The following SERGEF variants were observed in gnomAD, a reference collection of about 807,000 sequenced individuals.
SERGEF encodes the protein secretion regulating guanine nucleotide exchange factor.
In SERGEF, 51 loss-of-function variants were observed where a neutral mutation model predicts 50.0. That is an observed-to-expected ratio of 1.02 (90% confidence interval 0.81 to 1.29). SERGEF has a LOEUF of 1.29. Among genes scored for constraint, SERGEF ranks in the 50% most tolerant of loss-of-function variants. The pLI, the probability that SERGEF is intolerant of heterozygous loss-of-function variation, is 0.00. For missense variants in SERGEF, 521 were observed against 557.0 expected (o/e 0.94, Z 0.65); for synonymous variants, 205 against 212.4 (o/e 0.97, Z 0.30).
chr11:17,882,610 C>T (rs1851356165), intron 9 of SERGEF, among the ~76,000 whole-genome samples: 1 of 152,100 alleles, frequency 6.6e-6, no homozygotes, highest in Non-Finnish European at 1.5e-5. Flanking sequence ...TCTCAGACAT[C>T]TAGAAGACTG....
intron 10 of SERGEF, among the ~76,000 whole-genome samples, chr11:17,793,024 T>C (rs1849511420): frequency 3.9e-5 from 6 of 152,236 alleles, no homozygotes; most frequent in Admixed American, 3.9e-4. Flanking sequence ...GACTACGCTA[T>C]GCTGTCCTGG....
In SERGEF at chr11:17,814,854, G is replaced by A. The variant is rs189378707; in HGVS notation, c.1049-26441C>T. ...GGGAACTAGGAGTATGAACAATTTT[G>A]CTCATTCAAGCAGGATGACCTGCTT... On this transcript the variant is annotated intron_variant, in intron 10 of 10. Coordinates refer to ENST00000265965, the MANE Select transcript of SERGEF (RefSeq NM_012139.4). Among the ~76,000 whole-genome samples, 6 of 152,250 alleles carry A rather than the reference G, an allele frequency of 3.9e-5. No homozygotes were observed. In the East Asian group the frequency reaches 1.2e-3, roughly 29 times the overall value.
At chr11:17,925,833 G>T (rs1030021770) in intron 9 of SERGEF, among the ~76,000 whole-genome samples, 2 of 152,164 alleles carry the variant, frequency 1.3e-5, no homozygotes, top group African/African-American at 2.4e-5. Context: ...AGACTCAAAA[G>T]ACCTGAATTC....
chr11:17,944,327 A>G (rs1192919642), intron 9 of SERGEF, among the ~76,000 whole-genome samples: 4 of 152,214 alleles, frequency 2.6e-5, no homozygotes, highest in African/African-American at 7.2e-5. Context: ...ATCACTGTCT[A>G]CATAACAATT....
intron 10 of SERGEF, among the ~76,000 whole-genome samples, chr11:17,864,567 T>C (rs560410): frequency 0.63 from 95,836 of 152,062 alleles, 30,572 homozygotes; most frequent in East Asian, 0.85. Flanking sequence ...AGGTTTATCA[T>C]GTTTCTGGCC....
Position 18,000,314 on chromosome 11 carries a change from T to C in SERGEF, c.508+183A>G, listed in dbSNP as rs1245569701. Among the ~76,000 whole-genome samples the C allele has an allele frequency of 2.0e-5, 3 of 152,044 alleles. No individual in the cohort carries two copies. In the East Asian group the frequency reaches 5.8e-4, roughly 29 times the overall value. On this transcript the variant is annotated intron_variant, in intron 5 of 10. Transcript: ENST00000265965. The stretch of plus-strand genomic sequence containing the variant: ...AATCTTAAAAATTAGCAGGGCATGG[T>C]GGCATGCACCTATAGTTCTAGCTAC...
At chr11:17,898,052 A>ATT (rs537767270) in intron 9 of SERGEF, among the ~76,000 whole-genome samples, 109 of 152,340 alleles carry the variant, frequency 7.2e-4, no homozygotes, top group African/African-American at 2.5e-3. Flanking sequence ...AATATGTCCC[A>ATT]TTTATAGAGG....
chr11:17,886,847 G>A (rs1208976700), intron 9 of SERGEF, among the ~76,000 whole-genome samples: 3 of 152,232 alleles, frequency 2.0e-5, no homozygotes, highest in African/African-American at 4.8e-5. Flanking sequence ...ATAAATGGCC[G>A]TGTTGATACC....
At chr11:17,971,296 T>A (rs1039413056) in intron 8 of SERGEF, among the ~76,000 whole-genome samples, 1 of 152,218 alleles carries the variant, frequency 6.6e-6, no homozygotes, top group African/African-American at 2.4e-5. Flanking sequence ...CCAGAAGATC[T>A]AGCTAAGAAA....
At chr11:17,877,503 A>G (rs1851259653) in intron 10 of SERGEF, among the ~76,000 whole-genome samples, 1 of 152,210 alleles carries the variant, frequency 6.6e-6, no homozygotes, top group African/African-American at 2.4e-5. Flanking sequence ...TTTAAAGATG[A>G]GCATAGAGAA....
chr11:17,930,231 T>C (rs1040042827), intron 9 of SERGEF, among the ~76,000 whole-genome samples: 8 of 152,204 alleles, frequency 5.3e-5, no homozygotes, highest in Admixed American at 5.2e-4. Flanking sequence ...GTAAAGTAAC[T>C]GGCACAAAAT....
At chr11:17,886,801 T>C (rs1010296183) in intron 9 of SERGEF, among the ~76,000 whole-genome samples, 1 of 152,150 alleles carries the variant, frequency 6.6e-6, no homozygotes, top group African/African-American at 2.4e-5. Context: ...ACTGCTTGCT[T>C]TTCCCATAGT....
intron 10 of SERGEF, among the ~76,000 whole-genome samples, chr11:17,797,889 T>C (rs913959247): frequency 5.3e-5 from 8 of 152,194 alleles, no homozygotes; most frequent in East Asian, 1.9e-4. Context: ...CTCTGGAACA[T>C]AGCTGGTGCT....
chr11:17,947,708 C>T (rs537997181), intron 9 of SERGEF, among the ~76,000 whole-genome samples: 1 of 152,340 alleles, frequency 6.6e-6, no homozygotes, highest in Admixed American at 6.5e-5. Context: ...CACACTGCTG[C>T]CACTATGTTA....
chr11:17,816,488 T>C (rs972603355), intron 10 of SERGEF, among the ~76,000 whole-genome samples: 2 of 152,226 alleles, frequency 1.3e-5, no homozygotes, highest in Non-Finnish European at 2.9e-5. Context: ...TTCCTGCCAT[T>C]TGAACTTTCA....
At chr11:17,942,100 G>A (rs12803142) in intron 9 of SERGEF, among the ~76,000 whole-genome samples, 29,381 of 151,596 alleles carry the variant, frequency 0.19, 3,669 homozygotes, top group Non-Finnish European at 0.27. Context: ...AGCCTTTTAT[G>A]TTTCCATATA....
intron 8 of SERGEF, among the ~76,000 whole-genome samples, chr11:17,979,178 G>A (rs1422175245): frequency 6.6e-6 from 1 of 152,166 alleles, no homozygotes; most frequent in African/African-American, 2.4e-5. Flanking sequence ...TAGGGCTGGT[G>A]GGTACCTGCA....
intron 10 of SERGEF, among the ~76,000 whole-genome samples, chr11:17,795,635 C>T (rs770371623): frequency 2.6e-5 from 4 of 152,176 alleles, no homozygotes; most frequent in East Asian, 1.9e-4. Flanking sequence ...GGCTTGCTGT[C>T]GGCTCCCCGA....
intron 9 of SERGEF, among the ~76,000 whole-genome samples, chr11:17,945,197 A>G (rs1163111855): frequency 1.3e-5 from 2 of 152,258 alleles, no homozygotes; most frequent in Admixed American, 6.5e-5. Flanking sequence ...CATCTTTTCT[A>G]TATGCCGCCT....
Sources: allele counts gnomAD v4.1 joint callset (sites outside exome capture counted in the v4.1 genomes callset), GRCh38; gene constraint gnomAD v4.1.1; transcripts MANE v1.5; gene names NCBI Gene and HGNC (gene_info 2026-07-23, HGNC 2026-07-21).